DAAM1: variants seen among roughly 807,000 people sequenced by gnomAD.
DAAM1 encodes dishevelled associated activator of morphogenesis 1.
Under a neutral mutation model 130.0 loss-of-function variants are expected in DAAM1, and 52 were observed. That is an observed-to-expected ratio of 0.40 (90% CI 0.32 to 0.50). The LOEUF is 0.50. Ranked by LOEUF, DAAM1 falls within the 20% of genes least tolerant of loss-of-function variation. DAAM1 has a pLI of 0.61. For missense variants in DAAM1, 1,134 were observed against 1,303.8 expected, an observed-to-expected ratio of 0.87 and a Z score of 2.01; for synonymous variants, 452 against 444.5, an observed-to-expected ratio of 1.02 and a Z score of -0.21.
At chr14:59,191,056 TATAA>T (rs1353001677) in intron 1 of DAAM1, among the ~76,000 whole-genome samples, 1 of 152,260 alleles carries the variant, frequency 6.6e-6, no homozygotes, top group African/African-American at 2.4e-5. Flanking sequence ...GTAATTGACA[TATAA>T]ATATTTTGTT....
In DAAM1 at chr14:59,354,557, T is replaced by C. The variant is rs1411349732; in HGVS notation, c.2356+593T>C. On this transcript the variant is annotated intron_variant, in intron 19 of 24. Transcript: ENST00000360909. Reference sequence around the variant, plus strand: ...ATCTCACTGCTACTAGCATTAAACCTGTAATTAGCTTCCTCACAACAGAGC... The same window carrying C: ...ATCTCACTGCTACTAGCATTAAACCCGTAATTAGCTTCCTCACAACAGAGC... Among the ~76,000 whole-genome samples, 3 of 152,188 alleles carry C rather than the reference T, an allele frequency of 2.0e-5. No individual in the cohort carries two copies. The East Asian group carries it at 5.8e-4, about 29-fold the overall frequency.
chr14:59,214,048 C>A (rs1888504790), intron 1 of DAAM1, among the ~76,000 whole-genome samples: 1 of 152,172 alleles, frequency 6.6e-6, no homozygotes, highest in Non-Finnish European at 1.5e-5. Flanking sequence ...TTTGGCCTGC[C>A]TTTTTTCATC....
intron 1 of DAAM1, among the ~76,000 whole-genome samples, chr14:59,220,783 A>G (rs946282345): frequency 3.9e-5 from 6 of 152,178 alleles, no homozygotes; most frequent in Non-Finnish European, 7.4e-5. Context: ...CCAGTGTGCA[A>G]TGGAAGGAGA....
chr14:59,315,094 A>G (rs1055197326), intron 3 of DAAM1, among the ~76,000 whole-genome samples, 186 bp from the exon 4 acceptor site: 2 of 152,206 alleles, frequency 1.3e-5, no homozygotes, highest in Non-Finnish European at 2.9e-5. Flanking sequence ...TGAGCTGGGA[A>G]GACCACCCTA....
chr14:59,352,368 A>T (rs1886322075), intron 17 of DAAM1, among the ~76,000 whole-genome samples, 158 bp from the exon 18 acceptor site: 2 of 152,370 alleles, frequency 1.3e-5, no homozygotes, highest in Non-Finnish European at 1.5e-5. Context: ...AAATGAAAAG[A>T]TTTAATCATT....
At chr14:59,310,063 G>A (rs987943573) in intron 3 of DAAM1, among the ~76,000 whole-genome samples, 8 of 150,780 alleles carry the variant, frequency 5.3e-5, no homozygotes, top group Non-Finnish European at 1.2e-4. Flanking sequence ...ATTCATTAGT[G>A]TATGGGATTG....
At chr14:59,203,586 G>A (rs534150127) in intron 1 of DAAM1, among the ~76,000 whole-genome samples, 1 of 152,194 alleles carries the variant, frequency 6.6e-6, no homozygotes, top group East Asian at 1.9e-4. Flanking sequence ...GATAGATGTG[G>A]TAATTCCTTA....
intron 1 of DAAM1, among the ~76,000 whole-genome samples, chr14:59,212,578 C>T (rs559101102): frequency 6.6e-6 from 1 of 152,286 alleles, no homozygotes; most frequent in South Asian, 2.1e-4. Flanking sequence ...CTTCCTATTC[C>T]TTCCACTGCC....
intron 13 of DAAM1, 100 bp downstream of exon 13, chr14:59,330,788 C>A: frequency 8.4e-7 from 1 of 1,188,200 alleles, no homozygotes; most frequent in South Asian, 1.8e-5. Context: ...GGAATAAAAT[C>A]TGAAATGGCT....
At chr14:59,328,291 C>G (rs142110334) in intron 12 of DAAM1, among the ~76,000 whole-genome samples, 6 of 152,172 alleles carry the variant, frequency 3.9e-5, no homozygotes, top group Non-Finnish European at 8.8e-5. Context: ...ATTGCACATG[C>G]ATTTTAAAAA....
chr14:59,346,117 A>G (rs1009541114), intron 16 of DAAM1, among the ~76,000 whole-genome samples: 3 of 129,686 alleles, frequency 2.3e-5, no homozygotes, highest in African/African-American at 8.4e-5. Flanking sequence ...GTGCACACAT[A>G]CAAACACAAT....
intron 1 of DAAM1, among the ~76,000 whole-genome samples, chr14:59,207,288 T>C (rs1381233249): frequency 2.6e-5 from 4 of 152,188 alleles, no homozygotes; most frequent in African/African-American, 2.4e-5. Flanking sequence ...CCAGACAAAA[T>C]TCATTTGTTT....
At position 59,363,306 on chromosome 14, in the gene DAAM1, A is replaced by G. The variant is rs1886784262; in HGVS notation, c.2695-345A>G. On this transcript the variant is annotated intron_variant, in intron 22 of 24. Coordinates refer to ENST00000360909, the MANE Select transcript of DAAM1 (RefSeq NM_001270520.2). Reference sequence around the variant, plus strand: ...GCAGAGTCTCTTGTTTTCACTCACAAACCCTTAAAATTCAGTTTGCCCCCA... The same window carrying G: ...GCAGAGTCTCTTGTTTTCACTCACAGACCCTTAAAATTCAGTTTGCCCCCA... 3 of 198,588 alleles carry G rather than the reference A, an allele frequency of 1.5e-5. No individual in the cohort carries two copies. The Admixed American group carries it at 1.7e-4, about 11-fold the overall frequency. The allele number at this position is 198,588 out of a possible 1,614,324, so 12.3% of individuals were successfully genotyped here.
chr14:59,219,614 A>C (rs954215808), intron 1 of DAAM1, among the ~76,000 whole-genome samples: 1 of 152,176 alleles, frequency 6.6e-6, no homozygotes, highest in Admixed American at 6.5e-5. Flanking sequence ...CTTTCCTCCA[A>C]GAGTAAAGTC....
intron 1 of DAAM1, among the ~76,000 whole-genome samples, chr14:59,201,257 A>G (rs1888096226): frequency 6.6e-6 from 1 of 151,852 alleles, no homozygotes; most frequent in Non-Finnish European, 1.5e-5. Flanking sequence ...GGTTCGGGAA[A>G]TGTAGTTATA....
chr14:59,310,179 C>T (rs555712698), intron 3 of DAAM1, among the ~76,000 whole-genome samples: 14 of 150,468 alleles, frequency 9.3e-5, no homozygotes, highest in Non-Finnish European at 1.9e-4. Flanking sequence ...GGTGCGATCT[C>T]GGCTTACTGC....
intron 23 of DAAM1, 99 bp from the exon 24 acceptor site, chr14:59,367,330 C>T (rs10130669): frequency 0.63 from 928,074 of 1,476,858 alleles, 294,585 homozygotes; most frequent in East Asian, 0.83. Flanking sequence ...ACAAAACTTA[C>T]GTTTGACTCA....
At chr14:59,282,024 T>C (rs1368921986) in intron 2 of DAAM1, among the ~76,000 whole-genome samples, 1 of 152,152 alleles carries the variant, frequency 6.6e-6, no homozygotes, top group Non-Finnish European at 1.5e-5. Context: ...TCACAGTGGC[T>C]TTCAAGGCTG....
chr14:59,334,772 T>TA (rs1183592914), intron 15 of DAAM1, among the ~76,000 whole-genome samples: 1 of 152,192 alleles, frequency 6.6e-6, no homozygotes, highest in Non-Finnish European at 1.5e-5. Flanking sequence ...AATGAGAACT[T>TA]ATATTGTCTG....
Sources: allele counts gnomAD v4.1 joint callset (sites outside exome capture counted in the v4.1 genomes callset), GRCh38; gene constraint gnomAD v4.1.1; transcripts MANE v1.5; gene names NCBI Gene and HGNC (gene_info 2026-07-23, HGNC 2026-07-21).